SAMD5: variants seen among roughly 807,000 people sequenced by gnomAD.
The protein encoded by SAMD5 is sterile alpha motif domain containing 5.
SAMD5 carries 13 observed loss-of-function variants against 11.3 expected under a neutral mutation model. The ratio of observed to expected loss-of-function variants is 1.15; its 90% CI spans 0.75 to 1.83. SAMD5 has a LOEUF of 1.83. Ranked by LOEUF, SAMD5 falls within the 40% of genes most tolerant of loss-of-function variation. The pLI is 0.00. For synonymous variants in SAMD5, 129 were observed against 111.3 expected, an observed-to-expected ratio of 1.16 and a Z score of -1.00; for missense variants, 255 against 239.1, an observed-to-expected ratio of 1.07 and a Z score of -0.44.
the SAMD5 span, among the ~76,000 whole-genome samples, chr6:147,914,927 G>A: frequency 2.6e-5 from 4 of 152,124 alleles, no homozygotes; most frequent in Non-Finnish European, 5.9e-5. Context: ...GGAGCAGGAA[G>A]TCTTCATTTT....
chr6:147,825,697 G>A, the SAMD5 span, among the ~76,000 whole-genome samples: 7 of 152,124 alleles, frequency 4.6e-5, no homozygotes, highest in Non-Finnish European at 7.4e-5. Flanking sequence ...TGAATTATGA[G>A]CTGAAGATAT....
At chr6:147,918,386 A>G in the SAMD5 span, among the ~76,000 whole-genome samples, 1 of 152,146 alleles carries the variant, frequency 6.6e-6, no homozygotes, top group Admixed American at 6.5e-5. Context: ...GTGTATAAGA[A>G]TACTTGTGAA....
intron 1 of SAMD5, among the ~76,000 whole-genome samples, chr6:147,734,721 A>AAAAAAAAAAAAAG (rs1791769358): frequency 7.6e-6 from 1 of 131,772 alleles, no homozygotes; most frequent in Non-Finnish European, 1.5e-5. Context: ...TAAAAAAAAA[A>AAAAAAAAAAAAAG]AAAAAAAAAA....
At chr6:147,727,266 CT>C (rs1331431296) in intron 1 of SAMD5, among the ~76,000 whole-genome samples, 10 of 152,192 alleles carry the variant, frequency 6.6e-5, no homozygotes, top group African/African-American at 2.4e-4. Context: ...GCCCAATTTG[CT>C]TGACAAACTC....
At chr6:147,915,965 C>T in the SAMD5 span, among the ~76,000 whole-genome samples, 2 of 145,484 alleles carry the variant, frequency 1.4e-5, no homozygotes, top group Non-Finnish European at 3.0e-5. Flanking sequence ...AGTGTTCTCA[C>T]TCGTCAATTC....
chr6:147,765,679 C>T, the SAMD5 span, among the ~76,000 whole-genome samples: 1 of 152,156 alleles, frequency 6.6e-6, no homozygotes, highest in Non-Finnish European at 1.5e-5. Flanking sequence ...CTAGGGACGT[C>T]GGAACTGCTA....
chr6:147,848,640 G>C, the SAMD5 span, among the ~76,000 whole-genome samples: 3 of 152,108 alleles, frequency 2.0e-5, no homozygotes, highest in Non-Finnish European at 2.9e-5. Context: ...TTAACCACTA[G>C]ACCCTATTTG....
At chr6:147,573,379 C>A (rs1191356119), downstream of SAMD5, among the ~76,000 whole-genome samples, 1 of 152,148 alleles carries the variant, frequency 6.6e-6, no homozygotes, top group Non-Finnish European at 1.5e-5. Context: ...GAAGTGCAAG[C>A]AGAGGAAATG....
intron 1 of SAMD5, among the ~76,000 whole-genome samples, chr6:147,715,538 C>T (rs1316385640): frequency 6.6e-6 from 1 of 152,192 alleles, no homozygotes; most frequent in African/African-American, 2.4e-5. Flanking sequence ...GGTCTGGGTT[C>T]CCCAAAGGGC....
chr6:147,529,084 GTAGAGCACT>G, intron 1 of SAMD5, among the ~76,000 whole-genome samples: 1 of 152,318 alleles, frequency 6.6e-6, no homozygotes, highest in South Asian at 2.1e-4. Context: ...GAAAATGTAT[GTAGAGCACT>G]TAGCTTAGTG....
chr6:147,763,929 C>T, the SAMD5 span, among the ~76,000 whole-genome samples: 1 of 151,702 alleles, frequency 6.6e-6, no homozygotes, highest in Non-Finnish European at 1.5e-5. Flanking sequence ...CTGAGATTTG[C>T]ACCTGAAATG....
intron 1 of SAMD5, among the ~76,000 whole-genome samples, chr6:147,556,132 G>A (rs1176149357): frequency 8.0e-5 from 12 of 150,056 alleles, no homozygotes; most frequent in Admixed American, 4.0e-4. Flanking sequence ...TTGCTCTGTC[G>A]CCCAGGCTGG....
intron 1 of SAMD5, among the ~76,000 whole-genome samples, chr6:147,728,183 T>C (rs1485566391): frequency 6.6e-6 from 1 of 152,170 alleles, no homozygotes; most frequent in Non-Finnish European, 1.5e-5. Flanking sequence ...CCCAGCACTT[T>C]GGGAGAACGA....
intron 1 of SAMD5, among the ~76,000 whole-genome samples, chr6:147,621,856 G>A (rs1349415768): frequency 1.3e-5 from 2 of 151,026 alleles, no homozygotes; most frequent in Non-Finnish European, 3.0e-5. Context: ...GGAACCAACT[G>A]GAGAGCCATG....
chr6:147,761,794 A>G, the SAMD5 span, among the ~76,000 whole-genome samples: 1 of 152,134 alleles, frequency 6.6e-6, no homozygotes, highest in Non-Finnish European at 1.5e-5. Context: ...GCTCACTGCA[A>G]TCTCTGCCTC....
chr6:147,692,885 A>G (rs1273564839), intron 1 of SAMD5, among the ~76,000 whole-genome samples: 1 of 152,222 alleles, frequency 6.6e-6, no homozygotes, highest in Non-Finnish European at 1.5e-5. Flanking sequence ...AAATCAACCC[A>G]GATTAAGTGC....
downstream of SAMD5, among the ~76,000 whole-genome samples, chr6:147,573,055 T>G (rs1256900441): frequency 2.0e-5 from 3 of 152,224 alleles, no homozygotes; most frequent in African/African-American, 4.8e-5. Context: ...AGAATGAGCT[T>G]GCAACTCTGC....
At chr6:147,628,776 C>T (rs1251907984) in intron 1 of SAMD5, among the ~76,000 whole-genome samples, 2 of 152,126 alleles carry the variant, frequency 1.3e-5, no homozygotes, top group African/African-American at 4.8e-5. Flanking sequence ...CCATGGATCT[C>T]ATCATTCTCT....
chr6:147,619,478 G>A (rs1789925723), intron 1 of SAMD5, among the ~76,000 whole-genome samples: 1 of 152,208 alleles, frequency 6.6e-6, no homozygotes, highest in Non-Finnish European at 1.5e-5. Context: ...AGGCAGATAT[G>A]TGGATACTTG....
Sources: gnomAD v4.1 joint callset for allele counts (sites outside exome capture counted in the v4.1 genomes callset) on GRCh38, gnomAD v4.1.1 for gene constraint, MANE v1.5 for transcripts, NCBI Gene and HGNC (gene_info 2026-07-23, HGNC 2026-07-21) for gene names.